SLC26A4: variants seen among roughly 807,000 people sequenced by gnomAD.
SLC26A4 encodes the protein solute carrier family 26 member 4, also known as pendrin.
Under a neutral mutation model 90.4 loss-of-function variants are expected in SLC26A4, and 93 were observed. That is an observed-to-expected ratio of 1.03 (90% CI 0.87 to 1.22). SLC26A4 has a LOEUF of 1.22. SLC26A4 is among the 50% of genes most tolerant of loss of function. SLC26A4 has a pLI of 0.00. For missense variants in SLC26A4, 1,127 were observed against 946.2 expected (o/e 1.19, Z -2.51); for synonymous variants, 393 against 354.6 (o/e 1.11, Z -1.22).
chr7:107,689,118 T>C lies in SLC26A4; in HGVS notation c.1067T>C (p.Ile356Thr), dbSNP rs758298100. The C allele has an allele frequency of 2.5e-6, 4 of 1,613,984 alleles. No homozygotes were observed. The highest frequency in any genetic ancestry group is 2.5e-6 in the Non-Finnish European group (3 of 1,179,868). Residue 356 changes from isoleucine to threonine, a missense_variant, in exon 9 of 21, where the codon ATC becomes ACC. Coordinates refer to ENST00000644269, the MANE Select transcript of SLC26A4 (RefSeq NM_000441.2). ...GAGATGCTGGCTGCATCATTTTCCA[T>C]CGCTGTGGTGGCTTATGCTATTGCA... ...FSEMLAASFS[I>T]AVVAYAIAVS... is the part of the protein sequence containing the mutation.
intron 6 of SLC26A4, among the ~76,000 whole-genome samples, chr7:107,681,597 T>C (rs1465511347): frequency 6.6e-6 from 1 of 152,162 alleles, no homozygotes; most frequent in East Asian, 1.9e-4. Flanking sequence ...TGTGAGATTG[T>C]CTCAAAGAAA....
chr7:107,672,384 C>T (rs1301767002), intron 4 of SLC26A4, 136 bp downstream of exon 4: 4 of 192,608 alleles, frequency 2.1e-5, no homozygotes, highest in South Asian at 1.4e-4. Flanking sequence ...TTGTGAAAAC[C>T]GCAATTACTT....
At chr7:107,686,019 CTCTTTTT>C (rs1791388036) in intron 8 of SLC26A4, among the ~76,000 whole-genome samples, 1 of 151,876 alleles carries the variant, frequency 6.6e-6, no homozygotes, top group Non-Finnish European at 1.5e-5. Flanking sequence ...GTTTGTTACT[CTCTTTTT>C]TCTTTTCTTT....
chr7:107,695,802 G>C, intron 12 of SLC26A4, 131 bp from the exon 13 acceptor site: 1 of 681,692 alleles, frequency 1.5e-6, no homozygotes. Flanking sequence ...AATAGAGTGT[G>C]ACCCTATCTC....
intron 20 of SLC26A4, among the ~76,000 whole-genome samples, chr7:107,714,872 GT>G (rs1792298486): frequency 6.6e-6 from 1 of 152,050 alleles, no homozygotes; most frequent in South Asian, 2.1e-4. Context: ...GCAGTGCCTT[GT>G]ACATAGTAAG....
At chr7:107,694,959 T>C (rs56045331) in intron 12 of SLC26A4, among the ~76,000 whole-genome samples, 4,665 of 152,298 alleles carry the variant, frequency 0.031, 100 homozygotes, top group Non-Finnish European at 0.048. Context: ...GGCTCATTCA[T>C]ACACCTTTGG....
chr7:107,665,598 A>G (rs1790685930), intron 3 of SLC26A4, among the ~76,000 whole-genome samples: 1 of 152,174 alleles, frequency 6.6e-6, no homozygotes, highest in South Asian at 2.1e-4. Context: ...CTGATAATGA[A>G]TCTTCTTTAT....
At chr7:107,675,229 G>A in intron 6 of SLC26A4, 120 bp downstream of exon 6, 1 of 888,282 alleles carries the variant, frequency 1.1e-6, no homozygotes, top group Non-Finnish European at 1.9e-6. Flanking sequence ...ACTTTGGAAG[G>A]CCGAGGTGGG....
At position 107,674,176 on chromosome 7, in the gene SLC26A4, T is replaced by C. The variant is rs745697383; in HGVS notation, c.428T>C (p.Val143Ala). The change falls in exon 5 of 21, where the codon GTG (valine) becomes GCG (alanine). Residue 143 changes from valine to alanine, a missense_variant. Physicochemically the swap from Val to Ala is moderately conservative, Grantham distance 64. Transcript: ENST00000644269. ...SRHISVGPFP[V>A]VSLMVGSVVL... The stretch of plus-strand genomic sequence containing the variant: ...TTTTTTTCCCCAGGACCTTTTCCAG[T>C]GGTGAGTTTAATGGTGGGATCTGTT... 4 of 1,613,972 alleles carry C rather than the reference T, an allele frequency of 2.5e-6. No individual in the cohort carries two copies. Among genetic ancestry groups the C allele is most frequent in the Non-Finnish European group, 3.4e-6 (4 of 1,179,968 alleles).
chr7:107,664,327 G>A (rs921118548), intron 3 of SLC26A4, among the ~76,000 whole-genome samples: 4 of 152,184 alleles, frequency 2.6e-5, no homozygotes, highest in Non-Finnish European at 5.9e-5. Flanking sequence ...TGCCTCTCGG[G>A]TTCAAGTGAT....
chr7:107,666,801 TCA>T (rs1305846028), intron 3 of SLC26A4, among the ~76,000 whole-genome samples: 4 of 152,130 alleles, frequency 2.6e-5, no homozygotes, highest in Admixed American at 1.3e-4. Context: ...AGGGAGGCAC[TCA>T]CTCTCAGGAT....
chr7:107,709,911 A>G, intron 18 of SLC26A4, 143 bp from the exon 19 acceptor site: 1 of 663,934 alleles, frequency 1.5e-6, no homozygotes, highest in South Asian at 1.8e-5. Context: ...TGGGGGGATC[A>G]CTTGAACTTG....
intron 10 of SLC26A4, chr7:107,692,072 G>A (rs1258694710): frequency 3.1e-6 from 4 of 1,289,184 alleles, no homozygotes; most frequent in Non-Finnish European, 3.0e-6. Flanking sequence ...TGGGCTGGCT[G>A]TCCCAGTAAG....
chr7:107,678,751 A>G (rs1162687656), intron 6 of SLC26A4, among the ~76,000 whole-genome samples: 1 of 146,758 alleles, frequency 6.8e-6, no homozygotes, highest in Non-Finnish European at 1.5e-5. Context: ...AAAAAAAAAA[A>G]TCAGCAGGTC....
chr7:107,665,297 T>C (rs1264936323), intron 3 of SLC26A4, among the ~76,000 whole-genome samples: 1 of 152,192 alleles, frequency 6.6e-6, no homozygotes, highest in Non-Finnish European at 1.5e-5. Context: ...GCCAGGTAGA[T>C]GCCCGAAGAG....
rs1401520972 is a variant in SLC26A4 at position 107,682,133 on chromosome 7, T to TAAAA, written c.766-1069_766-1068insAAAA. Among the ~76,000 whole-genome samples, 161 of 40,900 alleles carry TAAAA rather than the reference T, an allele frequency of 3.9e-3. 5 individuals carry two copies. Among genetic ancestry groups the TAAAA allele is most frequent in the African/African-American group, 7.8e-3 (111 of 14,180 alleles). 26.8% of individuals were successfully genotyped at this position (40,900 alleles called of 152,430 possible). A position where few individuals can be genotyped will look rare whatever the true frequency, so the allele number is the denominator to read the frequency against. Reference sequence around the variant, plus strand: ...AAAAAAAAAAAAAAAAAAAAAAATTTTTTTTATGTTATCTTAGTTCAAGTT... The same window carrying TAAAA: ...AAAAAAAAAAAAAAAAAAAAAAATTTAAAATTTTTATGTTATCTTAGTTCAAGTT... On this transcript the variant is annotated intron_variant, in intron 6 of 20. Transcript: ENST00000644269.
intron 6 of SLC26A4, among the ~76,000 whole-genome samples, chr7:107,680,502 T>C (rs1387504061): frequency 1.4e-5 from 2 of 147,076 alleles, no homozygotes; most frequent in Non-Finnish European, 3.0e-5. Context: ...ATATTATTAT[T>C]ATACAATAAT....
intron 9 of SLC26A4, among the ~76,000 whole-genome samples, chr7:107,689,807 CA>C (rs1485324930): frequency 6.6e-6 from 1 of 152,144 alleles, no homozygotes; most frequent in Non-Finnish European, 1.5e-5. Context: ...AATATTCAAC[CA>C]CAGAAAAACA....
intron 20 of SLC26A4, among the ~76,000 whole-genome samples, chr7:107,714,300 G>A (rs1391051079): frequency 2.6e-5 from 4 of 152,098 alleles, no homozygotes; most frequent in African/African-American, 9.7e-5. Context: ...AATCAAATCT[G>A]ATAAGCCTGC....
Sources: allele counts gnomAD v4.1 joint callset (sites outside exome capture counted in the v4.1 genomes callset), GRCh38; gene constraint gnomAD v4.1.1; transcripts MANE v1.5; gene names NCBI Gene and HGNC (gene_info 2026-07-23, HGNC 2026-07-21).